GLIS3: variants seen among roughly 807,000 people sequenced by gnomAD.
GLIS3 encodes zinc finger protein GLIS3.
Under a neutral mutation model 78.6 loss-of-function variants are expected in GLIS3, and 53 were observed. The observed-to-expected ratio is 0.67, with a 90% CI of 0.54 to 0.85. The LOEUF is 0.85. GLIS3 is among the 40% of genes least tolerant of loss of function. The probability of loss-of-function intolerance (pLI) is 0.00; values close to 1 mark genes in which losing one functional copy is unlikely to be tolerated. For synonymous variants in GLIS3, 684 were observed against 509.9 expected (o/e 1.34, Z -4.60); for missense variants, 1,703 against 1,231.1 (o/e 1.38, Z -5.74).
chr9:4,156,344 T>A (rs1198831561), intron 2 of GLIS3, among the ~76,000 whole-genome samples: 6 of 152,258 alleles, frequency 3.9e-5, no homozygotes, highest in Non-Finnish European at 7.3e-5. Flanking sequence ...ACCGATTAGC[T>A]GATTAAACCT....
intron 4 of GLIS3, chr9:4,034,544 G>A (rs954331653): frequency 6.6e-6 from 1 of 152,136 alleles, no homozygotes; most frequent in Non-Finnish European, 1.5e-5. Flanking sequence ...GGATCCTTTG[G>A]TCGTGTTGGC....
At chr9:4,336,980 A>G (rs553572525) in intron 2 of GLIS3, among the ~76,000 whole-genome samples, 9 of 152,358 alleles carry the variant, frequency 5.9e-5, no homozygotes, top group African/African-American at 2.2e-4. Context: ...CAGAATATAA[A>G]TGACTAATAA....
Position 3,937,237 on chromosome 9 carries a change from T to C in GLIS3, c.1711-48A>G, listed in dbSNP as rs776508427. On this transcript the variant is annotated intron_variant, in intron 4 of 10. Transcript: ENST00000381971. Reference sequence around the variant, plus strand: ...GGTGGTTGAGAAGGACCTTGAATGTTTGAGTCTGGGGGACAGCTAAAAAAA... The same window carrying C: ...GGTGGTTGAGAAGGACCTTGAATGTCTGAGTCTGGGGGACAGCTAAAAAAA... 1.7e-4 allele frequency: 267 copies of C among 1,608,356 alleles called. No individual in the cohort carries two copies. Among genetic ancestry groups the C allele is most frequent in the Admixed American group, 4.2e-4 (25 of 59,944 alleles).
intron 2 of GLIS3, among the ~76,000 whole-genome samples, chr9:4,204,913 C>CA (rs141036798): frequency 0.29 from 42,780 of 149,524 alleles, 7,295 homozygotes; most frequent in South Asian, 0.53. Context: ...AGCTCCATCT[C>CA]AAAAAAAAAG....
chr9:4,455,467 A>G, the GLIS3 span, among the ~76,000 whole-genome samples: 1 of 152,142 alleles, frequency 6.6e-6, no homozygotes, highest in African/African-American at 2.4e-5. Context: ...TGTACTGAGG[A>G]TCAAACAGAC....
At position 4,155,851 on chromosome 9, in the gene GLIS3, T is replaced by C. The variant is rs531741422; in HGVS notation, c.389-29910A>G. ...CTAACAAGTTCCTGGGTGATGCTGA[T>C]ACTGATGCTGCAGGTCCTCAGGCCC... is the stretch of plus-strand genomic sequence containing the variant. On this transcript the variant is annotated intron_variant, in intron 2 of 10. Transcript: ENST00000381971. 5.3e-5 allele frequency among the ~76,000 whole-genome samples: 8 copies of C among 152,316 alleles called. No individual in the cohort carries two copies. In the South Asian group the frequency reaches 1.7e-3, roughly 32 times the overall value.
chr9:3,906,662 G>A (rs942023224), intron 6 of GLIS3, among the ~76,000 whole-genome samples: 1 of 152,142 alleles, frequency 6.6e-6, no homozygotes. Flanking sequence ...ACTCCTTGCT[G>A]CATTTCTGCC....
rs531799411 is a variant in GLIS3, at chr9:3,828,371, C to A, written c.2694G>T (p.Gly898=). The A allele has an allele frequency of 2.7e-5, 43 of 1,613,638 alleles. No homozygotes were observed. The highest frequency in any genetic ancestry group is 3.4e-5 in the Non-Finnish European group (40 of 1,180,026). Residue 898 remains glycine (G), a synonymous_variant, in exon 11 of 11, where the codon GGG becomes GGT. Coordinates refer to ENST00000381971, the MANE Select transcript of GLIS3 (RefSeq NM_001042413.2). ...CTTCAGCCCCGCTGCGGAGAGACTC[C>A]CCAAAGAGGCTCGAGGAACTTGAAG... The part of the protein sequence containing the change: ...DLPSSSSSLF[G]ESLRSGAEDA...
At chr9:4,273,590 C>CACAA (rs368964742) in intron 2 of GLIS3, among the ~76,000 whole-genome samples, 1 of 143,992 alleles carries the variant, frequency 6.9e-6, no homozygotes, top group Non-Finnish European at 1.5e-5. Flanking sequence ...AAGACCTTAT[C>CACAA]ATAAATAAAT....
intron 4 of GLIS3, among the ~76,000 whole-genome samples, chr9:4,061,041 G>C (rs1057343708): frequency 1.3e-4 from 19 of 150,906 alleles, no homozygotes; most frequent in Non-Finnish European, 7.4e-5. Context: ...TGCATCATCT[G>C]CTTCATAATG....
the GLIS3 span, among the ~76,000 whole-genome samples, chr9:4,381,675 G>A: frequency 5.3e-5 from 8 of 152,322 alleles, no homozygotes; most frequent in African/African-American, 1.9e-4. Context: ...TGGTGCATCA[G>A]TTGTCTACCT....
chr9:4,268,427 T>G (rs1305841216), intron 2 of GLIS3, among the ~76,000 whole-genome samples: 3 of 152,118 alleles, frequency 2.0e-5, no homozygotes, highest in Non-Finnish European at 4.4e-5. Flanking sequence ...GAAAAGGAGG[T>G]CATGGTCTTG....
chr9:4,165,120 C>T (rs1020734229), intron 2 of GLIS3, among the ~76,000 whole-genome samples: 12 of 152,088 alleles, frequency 7.9e-5, no homozygotes, highest in Non-Finnish European at 1.6e-4. Context: ...TGGAGGGGCC[C>T]TGAAACATGG....
rs75094852 is a variant in GLIS3, at chr9:4,167,849, G to A, written c.389-41908C>T. 8.1e-3 allele frequency among the ~76,000 whole-genome samples: 1,234 copies of A among 152,288 alleles called. 22 individuals are homozygous for A. The highest frequency in any genetic ancestry group is 0.029 in the African/African-American group (1,191 of 41,544). On this transcript the variant is annotated intron_variant, in intron 2 of 10. Coordinates refer to ENST00000381971, the MANE Select transcript of GLIS3 (RefSeq NM_001042413.2). ...TATGGCTTCCGGGTCCTCTTTGTGA[G>A]TGTTTCCTATTCCGAAGTGTTTGTT... is the stretch of plus-strand genomic sequence containing the variant.
At chr9:4,335,053 C>A (rs1285735475) in intron 2 of GLIS3, among the ~76,000 whole-genome samples, 1 of 151,660 alleles carries the variant, frequency 6.6e-6, no homozygotes, top group Non-Finnish European at 1.5e-5. Context: ...GGACTACAGG[C>A]GCCCGCCACT....
chr9:4,365,327 T>C, the GLIS3 span, among the ~76,000 whole-genome samples: 8 of 151,850 alleles, frequency 5.3e-5, no homozygotes, highest in African/African-American at 1.9e-4. Flanking sequence ...GGAGGCTGAG[T>C]CAGGTGGATC....
chr9:4,397,252 C>G, the GLIS3 span, among the ~76,000 whole-genome samples: 5 of 147,990 alleles, frequency 3.4e-5, no homozygotes, highest in South Asian at 2.2e-4. Context: ...GTCTCGATCT[C>G]CTGACCTCGT....
intron 4 of GLIS3, among the ~76,000 whole-genome samples, chr9:4,033,374 G>C (rs1238837592): frequency 3.9e-5 from 6 of 152,162 alleles, no homozygotes; most frequent in Admixed American, 6.5e-5. Flanking sequence ...AGCCAGAGAA[G>C]ACCCCAGAAG....
the GLIS3 span, among the ~76,000 whole-genome samples, chr9:4,408,637 G>T: frequency 2.9e-5 from 4 of 140,162 alleles, no homozygotes; most frequent in African/African-American, 1.1e-4. Flanking sequence ...TGAGGCAGGA[G>T]AATGGCGTGA....
Sources: gnomAD v4.1 joint callset for allele counts (sites outside exome capture counted in the v4.1 genomes callset) on GRCh38, gnomAD v4.1.1 for gene constraint, MANE v1.5 for transcripts, NCBI Gene and HGNC (gene_info 2026-07-23, HGNC 2026-07-21) for gene names.